Variants in UNC13B observed in about 807,000 individuals in gnomAD.
UNC13B encodes unc-13 homolog B, also known as protein unc-13 homolog B.
A neutral mutation model predicts 211.0 loss-of-function variants in UNC13B; 144 were observed. The observed-to-expected ratio is 0.68, with a 90% CI of 0.60 to 0.78. The LOEUF (loss-of-function observed/expected upper bound fraction) is 0.78. UNC13B is among the 30% of genes least tolerant of loss of function. The probability of loss-of-function intolerance (pLI) is 0.00; values close to 1 mark genes in which losing one functional copy is unlikely to be tolerated. For missense variants in UNC13B, 1,777 were observed against 2,002.0 expected (o/e 0.89, Z 2.14); for synonymous variants, 709 against 725.8 (o/e 0.98, Z 0.37).
rs1294499255 is a variant in UNC13B, at chr9:35,183,327, G to C, written c.22+21022G>C. 1.5e-5 allele frequency among the ~76,000 whole-genome samples: 2 copies of C among 137,378 alleles called. 1 individual carries two copies. Among genetic ancestry groups the C allele is most frequent in the Non-Finnish European group, 3.1e-5 (2 of 63,682 alleles). 90.1% of individuals were successfully genotyped at this position (137,378 alleles called of 152,430 possible). A position where few individuals can be genotyped will look rare whatever the true frequency, so the allele number is the denominator to read the frequency against. ...CTCACCTCCCAGGCGGGGCAGCCGG[G>C]CAGAGGCGCCCCTCACCTCCCAGGC... On this transcript the variant is annotated intron_variant, in intron 1 of 39. Coordinates refer to ENST00000635942, the MANE Select transcript of UNC13B (RefSeq NM_001371189.2).
chr9:35,364,061 C>A (rs563903378), intron 11 of UNC13B, among the ~76,000 whole-genome samples: 1 of 152,230 alleles, frequency 6.6e-6, no homozygotes, highest in Admixed American at 6.5e-5. Flanking sequence ...GCCTGCATTG[C>A]AAAATGGAAA....
rs535351879 is a variant in UNC13B, at chr9:35,350,382, G to A, written c.9415-16565G>A. On this transcript the variant is annotated intron_variant, in intron 11 of 39. Transcript: ENST00000635942. ...TGATATTCTCTCTGGGCCAGGCAGA[G>A]GATTAGAGCAACCCTTTGTTATTAA... Among the ~76,000 whole-genome samples the A allele has an allele frequency of 1.5e-4, 23 of 152,302 alleles. 1 individual carries two copies. In the South Asian group the frequency reaches 4.8e-3, roughly 32 times the overall value.
intron 7 of UNC13B, among the ~76,000 whole-genome samples, chr9:35,262,723 G>A (rs980477095): frequency 6.6e-6 from 1 of 152,242 alleles, no homozygotes. Flanking sequence ...TTGAGCCCAG[G>A]AGTTCTAGAC....
chr9:35,397,061 G>T, intron 28 of UNC13B, 106 bp from the exon 29 acceptor site: 1 of 1,599,194 alleles, frequency 6.3e-7, no homozygotes, highest in Non-Finnish European at 8.6e-7. Flanking sequence ...CAGGAGGGCT[G>T]TTGAGGGCCA....
At position 35,380,597 on chromosome 9, in the gene UNC13B, G is replaced by A. The variant is rs777965576; in HGVS notation, c.10333G>A (p.Val3445Ile). The stretch of plus-strand genomic sequence containing the variant: ...TTTCCTTGGCCAAACCATCATTGAG[G>A]TTCGGACCCTAAGTGGCGAGATGGA... ...DDFLGQTIIE[V>I]RTLSGEMDVW... Residue 3445 changes from valine (V) to isoleucine (I), a missense_variant, in exon 18 of 40, where the codon GTT (valine) becomes ATT (isoleucine). Physicochemically the swap from Val to Ile is conservative, Grantham distance 29. Coordinates refer to ENST00000635942, the MANE Select transcript of UNC13B (RefSeq NM_001371189.2). 17 of 1,614,100 alleles carry A rather than the reference G, an allele frequency of 1.1e-5. No homozygotes were observed. Among genetic ancestry groups the A allele is most frequent in the African/African-American group, 4.0e-5 (3 of 74,938 alleles).
Position 35,170,252 on chromosome 9 carries a change from G to A in UNC13B, c.22+7947G>A, listed in dbSNP as rs536108164. Among the ~76,000 whole-genome samples, 11 of 151,588 alleles carry A rather than the reference G, an allele frequency of 7.3e-5. No individual in the cohort carries two copies. In the East Asian group the frequency reaches 2.1e-3, roughly 29 times the overall value. On this transcript the variant is annotated intron_variant, in intron 1 of 39. Coordinates refer to ENST00000635942, the MANE Select transcript of UNC13B (RefSeq NM_001371189.2). ...GCAATCTCAGCTTACTGCAACCTCT[G>A]CCTCCCAGGTTCAAGCGATTCTCCT... is the stretch of plus-strand genomic sequence containing the variant.
At chr9:35,261,238 C>A (rs1361561354) in intron 7 of UNC13B, among the ~76,000 whole-genome samples, 1 of 152,112 alleles carries the variant, frequency 6.6e-6, no homozygotes, top group Non-Finnish European at 1.5e-5. Flanking sequence ...TCCATACATA[C>A]ATACACAAAA....
At chr9:35,291,049 C>T (rs1223266823) in intron 7 of UNC13B, 1 of 1,549,816 alleles carries the variant, frequency 6.5e-7, no homozygotes, top group Non-Finnish European at 8.7e-7. Context: ...TTATCTGCTG[C>T]TTCTTTGTGG....
intron 11 of UNC13B, among the ~76,000 whole-genome samples, chr9:35,335,164 G>A (rs1003962734): frequency 1.3e-5 from 2 of 152,318 alleles, no homozygotes; most frequent in African/African-American, 4.8e-5. Flanking sequence ...AAGCCCTTTG[G>A]ATTAGGGTGA....
At chr9:35,289,004 GTT>G (rs5897598) in intron 7 of UNC13B, among the ~76,000 whole-genome samples, 51,527 of 149,176 alleles carry the variant, frequency 0.35, 10,151 homozygotes, top group East Asian at 0.63. Context: ...CTACAGGAGG[GTT>G]TTTTTTTTTT....
chr9:35,318,316 A>C (rs1003605688), intron 11 of UNC13B, among the ~76,000 whole-genome samples: 3 of 152,204 alleles, frequency 2.0e-5, no homozygotes, highest in African/African-American at 4.8e-5. Context: ...ACTTAAGATG[A>C]GATTTAGTAA....
intron 37 of UNC13B, among the ~76,000 whole-genome samples, chr9:35,402,817 A>T (rs1235569534): frequency 1.3e-5 from 2 of 152,172 alleles, no homozygotes; most frequent in Admixed American, 1.3e-4. Flanking sequence ...AGACACTACC[A>T]GGTCAACATA....
intron 11 of UNC13B, among the ~76,000 whole-genome samples, chr9:35,347,327 T>C (rs1832421621): frequency 6.6e-6 from 1 of 152,246 alleles, no homozygotes; most frequent in South Asian, 2.1e-4. Context: ...GCACACACAG[T>C]AAGTACTCAT....
chr9:35,189,409 C>A (rs990328467), intron 1 of UNC13B, among the ~76,000 whole-genome samples: 6 of 152,178 alleles, frequency 3.9e-5, no homozygotes, highest in African/African-American at 1.4e-4. Flanking sequence ...GTAAAGCAGG[C>A]AATTTGGAAC....
At chr9:35,368,739 T>C (rs765433855) in intron 12 of UNC13B, among the ~76,000 whole-genome samples, 2 of 150,704 alleles carry the variant, frequency 1.3e-5, no homozygotes, top group African/African-American at 2.5e-5. Context: ...TTTTTTTAGT[T>C]TGTCTTCTTT....
chr9:35,183,803 A>T (rs1822151551), intron 1 of UNC13B, among the ~76,000 whole-genome samples: 2 of 138,216 alleles, frequency 1.4e-5, no homozygotes, highest in South Asian at 4.8e-4. Flanking sequence ...CACATCCCAG[A>T]CGATGGGCGG....
rs182031113 is a variant in UNC13B at position 35,282,656 on chromosome 9, A to C, written c.527-13040A>C. On this transcript the variant is annotated intron_variant, in intron 7 of 39. Transcript: ENST00000635942. ...CACCATGTTGGCCAGGCTGGTCTCG[A>C]ACTCCTGACCTCAGGTGATCTGCCT... is the stretch of plus-strand genomic sequence containing the variant. Among the ~76,000 whole-genome samples, 474 of 152,250 alleles carry C rather than the reference A, an allele frequency of 3.1e-3. 1 individual carries two copies. Among genetic ancestry groups the C allele is most frequent in the Non-Finnish European group, 5.4e-3 (364 of 68,014 alleles).
chr9:35,242,932 G>A (rs1056127532), intron 5 of UNC13B, among the ~76,000 whole-genome samples: 9 of 152,132 alleles, frequency 5.9e-5, no homozygotes, highest in Non-Finnish European at 1.2e-4. Context: ...GATGGTTTTG[G>A]TCTTGCTGAG....
chr9:35,177,442 T>C (rs1821699609), intron 1 of UNC13B, among the ~76,000 whole-genome samples: 1 of 152,196 alleles, frequency 6.6e-6, no homozygotes, highest in Admixed American at 6.5e-5. Context: ...TTTCTACCAG[T>C]GAAAGCTTTT....
Sources: gnomAD v4.1 joint callset for allele counts (sites outside exome capture counted in the v4.1 genomes callset) on GRCh38, gnomAD v4.1.1 for gene constraint, MANE v1.5 for transcripts, NCBI Gene and HGNC (gene_info 2026-07-23, HGNC 2026-07-21) for gene names.